Variants in SLC22A25 observed in about 807,000 individuals in gnomAD.
SLC22A25 encodes solute carrier family 22 member 25.
SLC22A25 carries 44 observed loss-of-function variants against 45.9 expected under a neutral mutation model. The ratio of observed to expected loss-of-function variants is 0.96; its 90% CI spans 0.75 to 1.23. The LOEUF is 1.23. SLC22A25 is among the 50% of genes most tolerant of loss of function. The pLI, the probability that SLC22A25 is intolerant of heterozygous loss-of-function variation, is 0.00. For synonymous variants in SLC22A25, 283 were observed against 238.6 expected (o/e 1.19, Z -1.72); for missense variants, 800 against 666.4 (o/e 1.20, Z -2.21).
intron 7 of SLC22A25, among the ~76,000 whole-genome samples, chr11:63,189,584 A>G (rs576384318): frequency 1.3e-5 from 2 of 152,236 alleles, no homozygotes; most frequent in South Asian, 4.2e-4. Context: ...TGATCTTGTT[A>G]TTATGATGTT....
chr11:63,222,789 A>T (rs985466740), intron 5 of SLC22A25, among the ~76,000 whole-genome samples: 11 of 139,752 alleles, frequency 7.9e-5, no homozygotes, highest in African/African-American at 2.7e-4. Context: ...ATGTTGAAGT[A>T]TGTTCCTTCT....
intron 9 of SLC22A25, among the ~76,000 whole-genome samples, chr11:63,177,005 G>T (rs1158618620): frequency 6.6e-6 from 1 of 151,862 alleles, no homozygotes; most frequent in East Asian, 1.9e-4. Context: ...ATTTTTGAAG[G>T]CCAGTTTGCT....
chr11:63,235,702 TA>T (rs1406646254), intron 3 of SLC22A25, among the ~76,000 whole-genome samples: 1 of 152,228 alleles, frequency 6.6e-6, no homozygotes, highest in Non-Finnish European at 1.5e-5. Context: ...TGCGTTCCTT[TA>T]GAGAGGAGAG....
chr11:63,165,106 G>A (rs752117107), intron 10 of SLC22A25, among the ~76,000 whole-genome samples: 4 of 152,136 alleles, frequency 2.6e-5, no homozygotes, highest in Non-Finnish European at 5.9e-5. Flanking sequence ...AAAAGGACAG[G>A]GTTCCTATGT....
chr11:63,235,713 G>T (rs1456000597), intron 3 of SLC22A25, among the ~76,000 whole-genome samples: 2 of 152,138 alleles, frequency 1.3e-5, no homozygotes, highest in African/African-American at 4.8e-5. Flanking sequence ...AGAGAGGAGA[G>T]GTGCTCTGAT....
intron 8 of SLC22A25, 86 bp from the exon 9 acceptor site, chr11:63,180,861 A>G: frequency 1.2e-6 from 1 of 864,896 alleles, no homozygotes; most frequent in Non-Finnish European, 1.9e-6. Context: ...ACAGATGACA[A>G]GATAGATGAC....
chr11:63,205,452 T>C (rs1040772154), intron 7 of SLC22A25, among the ~76,000 whole-genome samples: 5 of 151,828 alleles, frequency 3.3e-5, no homozygotes, highest in Admixed American at 2.0e-4. Flanking sequence ...ATTGGCACAA[T>C]AAAAAATGAT....
intron 8 of SLC22A25, among the ~76,000 whole-genome samples, chr11:63,182,804 G>T (rs2088377414): frequency 6.6e-6 from 1 of 152,054 alleles, no homozygotes; most frequent in African/African-American, 2.4e-5. Flanking sequence ...TGTCTTAAGA[G>T]ATGTTTTATT....
chr11:63,181,349 G>A (rs1005232105), intron 8 of SLC22A25, among the ~76,000 whole-genome samples: 9 of 151,482 alleles, frequency 5.9e-5, no homozygotes, highest in South Asian at 2.1e-4. Flanking sequence ...CCATTAACTC[G>A]TCATTTAGCA....
chr11:63,225,080 CAG>C (rs542985144), intron 5 of SLC22A25, among the ~76,000 whole-genome samples: 2 of 152,200 alleles, frequency 1.3e-5, no homozygotes, highest in East Asian at 3.9e-4. Context: ...GCCTGGGTGA[CAG>C]AGCAAGACTC....
intron 7 of SLC22A25, among the ~76,000 whole-genome samples, chr11:63,208,514 C>T (rs962676645): frequency 3.3e-5 from 5 of 152,046 alleles, no homozygotes; most frequent in South Asian, 2.1e-4. Flanking sequence ...ACCCGGGACA[C>T]GAGAGAGGCT....
chr11:63,220,042 C>G, intron 5 of SLC22A25: 1 of 1,283,508 alleles, frequency 7.8e-7, no homozygotes, highest in Non-Finnish European at 1.0e-6. Context: ...AGAAGACATA[C>G]GGTAAGTTAG....
chr11:63,213,161 G>A (rs1219303738), intron 7 of SLC22A25, among the ~76,000 whole-genome samples: 1 of 152,146 alleles, frequency 6.6e-6, no homozygotes, highest in African/African-American at 2.4e-5. Flanking sequence ...GCAGGATTCT[G>A]CCGAATCTGG....
At chr11:63,169,882 C>T (rs188033375) in intron 9 of SLC22A25, among the ~76,000 whole-genome samples, 67 of 152,296 alleles carry the variant, frequency 4.4e-4, no homozygotes, top group Non-Finnish European at 7.4e-4. Context: ...CACCACATCG[C>T]ACTTATTCTA....
intron 3 of SLC22A25, among the ~76,000 whole-genome samples, chr11:63,232,103 C>T (rs2090079773): frequency 6.6e-6 from 1 of 152,136 alleles, no homozygotes; most frequent in South Asian, 2.1e-4. Context: ...TTAGGATTGA[C>T]TTGGCAATGC....
intron 3 of SLC22A25, among the ~76,000 whole-genome samples, chr11:63,230,575 T>G (rs1006838887): frequency 7.9e-5 from 12 of 152,236 alleles, no homozygotes; most frequent in Non-Finnish European, 1.8e-4. Context: ...TGATTAGGAC[T>G]AAAATTCTTT....
intron 8 of SLC22A25, among the ~76,000 whole-genome samples, chr11:63,182,474 C>CTA (rs66520129): frequency 0.036 from 5,294 of 148,556 alleles, 120 homozygotes; most frequent in Non-Finnish European, 0.057. Context: ...AAGAATTACA[C>CTA]TATATATATA....
chr11:63,207,317 T>C (rs73499787), intron 7 of SLC22A25, among the ~76,000 whole-genome samples: 3,313 of 152,292 alleles, frequency 0.022, 122 homozygotes, highest in African/African-American at 0.075. Flanking sequence ...GTAACTATCA[T>C]CAGAGTGAAC....
At chr11:63,184,622 T>C (rs1434586285) in intron 7 of SLC22A25, among the ~76,000 whole-genome samples, 1 of 152,134 alleles carries the variant, frequency 6.6e-6, no homozygotes, top group Non-Finnish European at 1.5e-5. Flanking sequence ...TTCTTAGAAA[T>C]GTATACAGGT....
Sources: gnomAD v4.1 joint callset for allele counts (sites outside exome capture counted in the v4.1 genomes callset) on GRCh38, gnomAD v4.1.1 for gene constraint, MANE v1.5 for transcripts, NCBI Gene and HGNC (gene_info 2026-07-23, HGNC 2026-07-21) for gene names.